SLC22A24: variants seen among roughly 807,000 people sequenced by gnomAD.
The protein encoded by SLC22A24 is steroid transmembrane transporter SLC22A24.
SLC22A24 carries 53 observed loss-of-function variants against 49.8 expected under a neutral mutation model. The ratio of observed to expected loss-of-function variants is 1.06; its 90% CI spans 0.85 to 1.34. The LOEUF is 1.34. Among genes scored for constraint, SLC22A24 ranks in the 40% most tolerant of loss-of-function variants. SLC22A24 has a pLI of 0.00. For missense variants in SLC22A24, 786 were observed against 675.9 expected, an observed-to-expected ratio of 1.16 and a Z score of -1.81; for synonymous variants, 302 against 256.4, an observed-to-expected ratio of 1.18 and a Z score of -1.70.
chr11:63,113,035 AAT>A (rs869074513), intron 4 of SLC22A24, among the ~76,000 whole-genome samples: 4 of 15,130 alleles, frequency 2.6e-4, no homozygotes, highest in African/African-American at 8.4e-4. Context: ...AAAAAAAAAA[AAT>A]ATATATATAT....
chr11:63,143,854 C>A lies in SLC22A24; in HGVS notation c.-75G>T. 2 of 1,228,720 alleles carry A rather than the reference C, an allele frequency of 1.6e-6. No homozygotes were observed. Among genetic ancestry groups the A allele is most frequent in the Non-Finnish European group, 2.1e-6 (2 of 963,638 alleles). 76.1% of individuals were successfully genotyped at this position (1,228,720 alleles called of 1,614,324 possible). On this transcript the variant is annotated 5_prime_UTR_variant, in exon 1 of 10. Transcript: ENST00000612278. ...AGAAGTTCAGAGGGAGAAAATGTCC[C>A]CTTTCACAAAGTTACCATAGTGCCA...
At chr11:63,089,845 G>A (rs1225535630) in intron 6 of SLC22A24, among the ~76,000 whole-genome samples, 4 of 152,092 alleles carry the variant, frequency 2.6e-5, no homozygotes, top group Admixed American at 6.5e-5. Flanking sequence ...ACTTTGGGAG[G>A]CCGAGGCGGG....
intron 2 of SLC22A24, among the ~76,000 whole-genome samples, chr11:63,127,902 C>T (rs560809168): frequency 5.3e-5 from 8 of 151,766 alleles, no homozygotes; most frequent in African/African-American, 1.9e-4. Context: ...AAATTTTCTC[C>T]CATTCTGTAG....
chr11:63,125,767 C>T (rs4575277), intron 2 of SLC22A24, among the ~76,000 whole-genome samples: 121,026 of 148,440 alleles, frequency 0.82, 49,229 homozygotes, highest in East Asian at 0.9. Context: ...ATTTACACTC[C>T]CACCAACAGT....
Position 63,143,769 on chromosome 11 carries a change from T to C in SLC22A24, c.11A>G (p.Asp4Gly). 7.0e-7 allele frequency: 1 copy of C among 1,422,412 alleles called. No individual in the cohort carries two copies. Among genetic ancestry groups the C allele is most frequent in the Non-Finnish European group, 9.2e-7 (1 of 1,084,058 alleles). The allele number at this position is 1,422,412 out of a possible 1,614,324, so 88.1% of individuals were successfully genotyped here. The change falls in exon 1 of 10, where the codon GAT becomes GGT. Residue 4 changes from aspartate (D) to glycine (G), a missense_variant. Transcript: ENST00000612278. The part of the protein sequence containing the change: MGF[D>G]VLLDQVGGMG... The stretch of plus-strand genomic sequence containing the variant: ...GCCACCCACTTGATCCAGGAGCACA[T>C]CAAAGCCCATTGAGACTGAACAGGT...
At chr11:63,098,055 C>G (rs1372060368) in intron 5 of SLC22A24, among the ~76,000 whole-genome samples, 2 of 152,020 alleles carry the variant, frequency 1.3e-5, no homozygotes, top group African/African-American at 4.8e-5. Context: ...CCTGCATGTT[C>G]TACACATGTA....
chr11:63,084,339 T>G (rs1366915829), intron 6 of SLC22A24, among the ~76,000 whole-genome samples: 2 of 152,140 alleles, frequency 1.3e-5, no homozygotes, highest in African/African-American at 2.4e-5. Flanking sequence ...GGGATGCCTG[T>G]ATTTGCTCGC....
Position 63,143,597 on chromosome 11 carries a change from G to T in SLC22A24, c.183C>A (p.Asp61Glu). Residue 61 changes from aspartate to glutamate, a missense_variant, in exon 1 of 10, where the codon GAC becomes GAA. Transcript: ENST00000612278. ...VPLLDNDTVS[D>E]NDTGTLSKDD... ...CCTTGCTGAGGGTCCCGGTATCATT[G>T]TCAGACACAGTGTCATTGTCCAGGA... The T allele has an allele frequency of 6.3e-7, 1 of 1,575,976 alleles. No individual in the cohort carries two copies. The highest frequency in any genetic ancestry group is 8.6e-7 in the Non-Finnish European group (1 of 1,162,402).
intron 4 of SLC22A24, among the ~76,000 whole-genome samples, chr11:63,115,557 C>A (rs753583698): frequency 2.0e-5 from 3 of 152,184 alleles, no homozygotes; most frequent in Non-Finnish European, 4.4e-5. Context: ...TCAGCTCACC[C>A]TCCATGAGCT....
Position 63,113,230 on chromosome 11 carries a change from A to G in SLC22A24, c.830+5682T>C, listed in dbSNP as rs1394752941. Among the ~76,000 whole-genome samples the G allele has an allele frequency of 2.4e-5, 3 of 127,092 alleles. 1 individual carries two copies. The highest frequency in any genetic ancestry group is 4.7e-5 in the Non-Finnish European group (3 of 63,374). The allele number at this position is 127,092 out of a possible 152,430, so 83.4% of individuals were successfully genotyped here. A position where few individuals can be genotyped will look rare whatever the true frequency, so the allele number is the denominator to read the frequency against. ...TATATATACACATATATATATATACATATATATATATATACACACATACAC... is the reference window on the plus strand; with the variant it reads ...TATATATACACATATATATATATACGTATATATATATATACACACATACAC... On this transcript the variant is annotated intron_variant, in intron 4 of 9. Coordinates refer to ENST00000612278, the MANE Select transcript of SLC22A24 (RefSeq NM_001136506.2).
At chr11:63,080,850 A>G (rs1376197626) in intron 9 of SLC22A24, 70 bp downstream of exon 9, 3 of 1,364,478 alleles carry the variant, frequency 2.2e-6, no homozygotes, top group Non-Finnish European at 3.0e-6. Context: ...ATGGTCGTTG[A>G]CCTTTCTCAT....
intron 1 of SLC22A24, among the ~76,000 whole-genome samples, chr11:63,137,590 G>T (rs1391785183): frequency 1.3e-5 from 2 of 152,186 alleles, no homozygotes; most frequent in Non-Finnish European, 2.9e-5. Flanking sequence ...TTTGAGCTTT[G>T]CCAGGCTGAT....
chr11:63,081,175 A>C (rs547547990), intron 8 of SLC22A24, 52 bp from the exon 9 acceptor site: 2 of 1,434,888 alleles, frequency 1.4e-6, no homozygotes, highest in South Asian at 2.5e-5. Context: ...TGTACATGTC[A>C]GCTCTTTATC....
chr11:63,137,552 A>G (rs1031865601), intron 1 of SLC22A24, among the ~76,000 whole-genome samples: 1 of 152,220 alleles, frequency 6.6e-6, no homozygotes, highest in Admixed American at 6.5e-5. Flanking sequence ...GAGTGGATCA[A>G]AGGCAACAGG....
chr11:63,094,952 G>C (rs2087044349), intron 6 of SLC22A24, among the ~76,000 whole-genome samples: 1 of 152,136 alleles, frequency 6.6e-6, no homozygotes, highest in African/African-American at 2.4e-5. Context: ...TCTGCTGGTA[G>C]TTTCTTTTGC....
At chr11:63,131,752 A>G (rs7945372) in intron 2 of SLC22A24, among the ~76,000 whole-genome samples, 120,634 of 151,486 alleles carry the variant, frequency 0.8, 49,069 homozygotes, top group East Asian at 0.9. Context: ...TGACAATTAC[A>G]TGTCTTGGGC....
intron 2 of SLC22A24, among the ~76,000 whole-genome samples, chr11:63,122,816 G>A (rs774500459): frequency 6.0e-4 from 92 of 152,166 alleles, no homozygotes; most frequent in Middle Eastern, 6.8e-3. Flanking sequence ...CACTGTGCCT[G>A]GCCTATTTTA....
chr11:63,124,703 T>C (rs2087275899), intron 2 of SLC22A24, among the ~76,000 whole-genome samples: 1 of 152,182 alleles, frequency 6.6e-6, no homozygotes, highest in Admixed American at 6.5e-5. Context: ...AACCCTATCA[T>C]TGTCATATCC....
intron 6 of SLC22A24, among the ~76,000 whole-genome samples, chr11:63,090,426 C>T (rs1444016033): frequency 6.6e-6 from 1 of 152,066 alleles, no homozygotes; most frequent in Non-Finnish European, 1.5e-5. Context: ...TGCCACACAG[C>T]ATGTATTCTA....
Sources: allele counts gnomAD v4.1 joint callset (sites outside exome capture counted in the v4.1 genomes callset), GRCh38; gene constraint gnomAD v4.1.1; transcripts MANE v1.5; gene names NCBI Gene and HGNC (gene_info 2026-07-23, HGNC 2026-07-21).